The following EXOC6B variants were observed in gnomAD, a reference collection of about 807,000 sequenced individuals.
EXOC6B encodes the protein SEC15 homolog B.
Under a neutral mutation model 113.5 loss-of-function variants are expected in EXOC6B, and 54 were observed. The ratio of observed to expected loss-of-function variants is 0.48; its 90% CI spans 0.38 to 0.60. The LOEUF (loss-of-function observed/expected upper bound fraction) is 0.60. EXOC6B is among the 20% of genes least tolerant of loss of function. The probability of loss-of-function intolerance (pLI) is 0.00; values close to 1 mark genes in which losing one functional copy is unlikely to be tolerated. For missense variants in EXOC6B, 797 were observed against 977.5 expected (o/e 0.82, Z 2.46); for synonymous variants, 357 against 339.0 (o/e 1.05, Z -0.58).
At chr2:72,670,846 C>G (rs1675740062) in intron 6 of EXOC6B, among the ~76,000 whole-genome samples, 2 of 152,148 alleles carry the variant, frequency 1.3e-5, no homozygotes, top group Admixed American at 6.5e-5. Flanking sequence ...CCTTGGAGTT[C>G]TCTCTTCTCT....
At chr2:72,471,049 T>G (rs1052503285) in intron 17 of EXOC6B, among the ~76,000 whole-genome samples, 5 of 152,140 alleles carry the variant, frequency 3.3e-5, no homozygotes, top group South Asian at 2.1e-4. Context: ...CACACTGACT[T>G]CCACAATGGT....
intron 1 of EXOC6B, among the ~76,000 whole-genome samples, chr2:72,752,196 A>C (rs914481595): frequency 1.3e-5 from 2 of 152,178 alleles, no homozygotes; most frequent in Non-Finnish European, 2.9e-5. Context: ...CATTTAAAAA[A>C]TTCAGGCTTA....
chr2:72,526,986 T>C (rs1411909801), intron 8 of EXOC6B, among the ~76,000 whole-genome samples: 1 of 151,966 alleles, frequency 6.6e-6, no homozygotes, highest in Non-Finnish European at 1.5e-5. Flanking sequence ...GAAACTGATA[T>C]TGATAAAATC....
At chr2:72,618,712 G>T (rs961583016) in intron 6 of EXOC6B, among the ~76,000 whole-genome samples, 11 of 152,324 alleles carry the variant, frequency 7.2e-5, no homozygotes, top group African/African-American at 2.6e-4. Flanking sequence ...GATGGATGTG[G>T]TACATGTTGC....
intron 6 of EXOC6B, among the ~76,000 whole-genome samples, chr2:72,576,029 G>A (rs1472733403): frequency 2.0e-5 from 3 of 152,086 alleles, no homozygotes; most frequent in Non-Finnish European, 4.4e-5. Context: ...TAGTAGGCCA[G>A]GAGATTAGTG....
At chr2:72,725,508 A>G (rs1680245369) in intron 5 of EXOC6B, among the ~76,000 whole-genome samples, 1 of 151,972 alleles carries the variant, frequency 6.6e-6, no homozygotes, top group African/African-American at 2.4e-5. Flanking sequence ...CTGATGCCTC[A>G]GCCCCTCTGA....
rs569307055 is a variant in EXOC6B, at chr2:72,710,000, G to A, written c.669+8103C>T. On this transcript the variant is annotated intron_variant, in intron 6 of 21. Coordinates refer to ENST00000272427, the MANE Select transcript of EXOC6B (RefSeq NM_015189.3). Reference sequence around the variant, plus strand: ...AAGTTTATTTAAAAATACTCACAGAGAGATGTAGTTGCAATTGTTCAATAA... The same window carrying A: ...AAGTTTATTTAAAAATACTCACAGAAAGATGTAGTTGCAATTGTTCAATAA... 2.6e-5 allele frequency among the ~76,000 whole-genome samples: 4 copies of A among 152,224 alleles called. No homozygotes were observed. The South Asian group carries it at 8.3e-4, about 32-fold the overall frequency.
chr2:72,600,001 A>G (rs1193470671), intron 6 of EXOC6B, among the ~76,000 whole-genome samples: 1 of 152,204 alleles, frequency 6.6e-6, no homozygotes, highest in Non-Finnish European at 1.5e-5. Flanking sequence ...CAATTCCAAT[A>G]GAAAATTCTA....
chr2:72,536,352 T>C (rs961658100), intron 8 of EXOC6B, among the ~76,000 whole-genome samples: 3 of 152,208 alleles, frequency 2.0e-5, no homozygotes, highest in African/African-American at 7.2e-5. Flanking sequence ...ATTTCTTACT[T>C]TGATCCCCCC....
chr2:72,686,183 GA>G (rs1160565927), intron 6 of EXOC6B, among the ~76,000 whole-genome samples: 1 of 152,166 alleles, frequency 6.6e-6, no homozygotes, highest in Non-Finnish European at 1.5e-5. Flanking sequence ...GCTTAGCCAA[GA>G]GTTTTTCTTC....
chr2:72,226,995 A>G (rs1681285892), intron 20 of EXOC6B, among the ~76,000 whole-genome samples: 1 of 152,236 alleles, frequency 6.6e-6, no homozygotes. Context: ...TAAAACCAAA[A>G]GAATTATATC....
intron 18 of EXOC6B, among the ~76,000 whole-genome samples, chr2:72,434,058 A>G (rs1463198023): frequency 6.6e-6 from 1 of 152,046 alleles, no homozygotes; most frequent in Non-Finnish European, 1.5e-5. Flanking sequence ...AATAGCTCTT[A>G]TTATTTTGAG....
At chr2:72,417,296 T>A (rs756301041) in intron 18 of EXOC6B, among the ~76,000 whole-genome samples, 6 of 152,102 alleles carry the variant, frequency 3.9e-5, no homozygotes, top group African/African-American at 9.7e-5. Context: ...TTCAAGAGAT[T>A]CTCTTGCCTC....
intron 6 of EXOC6B, among the ~76,000 whole-genome samples, chr2:72,699,669 G>C (rs1042453116): frequency 1.3e-5 from 2 of 152,022 alleles, no homozygotes; most frequent in Admixed American, 1.3e-4. Flanking sequence ...AGAGGTAAAG[G>C]AAAGGTACAA....
intron 18 of EXOC6B, among the ~76,000 whole-genome samples, chr2:72,434,316 T>C (rs192424182): frequency 4.6e-4 from 70 of 152,364 alleles, no homozygotes; most frequent in African/African-American, 1.6e-3. Context: ...CAGTATTTTA[T>C]TGAGGATTTT....
intron 18 of EXOC6B, among the ~76,000 whole-genome samples, chr2:72,433,473 T>C (rs535531296): frequency 1.3e-5 from 2 of 152,224 alleles, no homozygotes; most frequent in Non-Finnish European, 2.9e-5. Context: ...GGGAGTAGCA[T>C]TCAATGTATA....
chr2:72,258,570 A>G (rs1381401212), intron 20 of EXOC6B, among the ~76,000 whole-genome samples: 5 of 151,760 alleles, frequency 3.3e-5, no homozygotes, highest in South Asian at 2.1e-4. Context: ...GGGTCTCCCT[A>G]TGTTGCCCAG....
At chr2:72,268,760 G>A (rs1010842459) in intron 20 of EXOC6B, among the ~76,000 whole-genome samples, 11 of 151,958 alleles carry the variant, frequency 7.2e-5, no homozygotes, top group African/African-American at 2.4e-4. Flanking sequence ...TTAAAGGAGT[G>A]TGGCACCTCC....
At chr2:72,366,861 GA>G (rs1048150948) in intron 19 of EXOC6B, among the ~76,000 whole-genome samples, 66 of 144,288 alleles carry the variant, frequency 4.6e-4, no homozygotes, top group South Asian at 4.1e-3. Flanking sequence ...GATTTTACCA[GA>G]AAAAAAAAAA....
Sources: allele counts gnomAD v4.1 joint callset (sites outside exome capture counted in the v4.1 genomes callset), GRCh38; gene constraint gnomAD v4.1.1; transcripts MANE v1.5; gene names NCBI Gene and HGNC (gene_info 2026-07-23, HGNC 2026-07-21).